AGBL1: variants seen among roughly 807,000 people sequenced by gnomAD.
AGBL1 encodes AGBL carboxypeptidase 1, also known as cytosolic carboxypeptidase 4.
Under a neutral mutation model 118.9 loss-of-function variants are expected in AGBL1, and 130 were observed. The ratio of observed to expected loss-of-function variants is 1.09; its 90% CI spans 0.95 to 1.26. The LOEUF is 1.26. Ranked by LOEUF, AGBL1 falls within the 50% of genes most tolerant of loss-of-function variation. AGBL1 has a pLI of 0.00. For missense variants in AGBL1, 1,584 were observed against 1,298.1 expected, an observed-to-expected ratio of 1.22 and a Z score of -3.38; for synonymous variants, 555 against 478.9, an observed-to-expected ratio of 1.16 and a Z score of -2.08.
chr15:86,085,140 A>G (rs922354452), intron 1 of AGBL1, among the ~76,000 whole-genome samples: 21 of 152,214 alleles, frequency 1.4e-4, no homozygotes. Flanking sequence ...GATGAATGCC[A>G]TGGTAAAGGT....
chr15:86,363,763 G>A (rs931832358), intron 17 of AGBL1, among the ~76,000 whole-genome samples: 4 of 151,904 alleles, frequency 2.6e-5, no homozygotes, highest in African/African-American at 4.8e-5. Flanking sequence ...ATGCCTGCTC[G>A]AGAGCTCTCC....
intron 22 of AGBL1, among the ~76,000 whole-genome samples, chr15:86,715,854 C>G (rs181713673): frequency 2.0e-5 from 3 of 151,842 alleles, no homozygotes; most frequent in African/African-American, 7.3e-5. Flanking sequence ...GTCAGGAGAT[C>G]GAGACCATCC....
chr15:86,250,887 G>C (rs1340272150), intron 7 of AGBL1, among the ~76,000 whole-genome samples: 1 of 152,208 alleles, frequency 6.6e-6, no homozygotes, highest in Non-Finnish European at 1.5e-5. Context: ...CTTGGATTTG[G>C]TGATGTTATT....
intron 22 of AGBL1, among the ~76,000 whole-genome samples, chr15:86,833,862 T>A (rs890858412): frequency 9.9e-5 from 15 of 152,122 alleles, no homozygotes; most frequent in African/African-American, 3.6e-4. Context: ...TCAGCCTCAC[T>A]CCTGTCAACT....
chr15:86,314,256 G>T (rs1041372145), intron 17 of AGBL1, among the ~76,000 whole-genome samples: 4 of 152,214 alleles, frequency 2.6e-5, no homozygotes, highest in Non-Finnish European at 5.9e-5. Context: ...AACAAGAGGA[G>T]TTACCACACC....
Position 86,750,413 on chromosome 15 carries a change from G to C in AGBL1, c.3158+75977G>C, listed in dbSNP as rs569899934. Among the ~76,000 whole-genome samples, 11 of 150,674 alleles carry C rather than the reference G, an allele frequency of 7.3e-5. No individual in the cohort carries two copies. The East Asian group carries it at 1.7e-3, about 24-fold the overall frequency. On this transcript the variant is annotated intron_variant, in intron 22 of 22. Coordinates refer to ENST00000614907, the MANE Select transcript of AGBL1 (RefSeq NM_001386094.1). ...CGAAAAATAGAACCTGGTAATTTCT[G>C]TATAACAATAACACCGAACTCCCTT...
chr15:86,472,644 C>T (rs547093159), intron 18 of AGBL1, among the ~76,000 whole-genome samples: 198 of 152,262 alleles, frequency 1.3e-3, no homozygotes, highest in African/African-American at 1.9e-3. Flanking sequence ...ATAGATTGGG[C>T]GCCACGGCTC....
chr15:86,932,297 T>A (rs75700126), intron 23 of AGBL1, among the ~76,000 whole-genome samples: 1,885 of 152,330 alleles, frequency 0.012, 39 homozygotes, highest in African/African-American at 0.043. Context: ...ACTGCAAGGA[T>A]AGACCTGACC....
chr15:86,935,010 T>G (rs1217255140), intron 23 of AGBL1: 1 of 152,238 alleles, frequency 6.6e-6, no homozygotes, highest in Non-Finnish European at 1.5e-5. Context: ...TAAGTTAAAA[T>G]GTAAAAACTA....
At chr15:86,886,133 TA>T (rs2079967310) in intron 22 of AGBL1, among the ~76,000 whole-genome samples, 2 of 152,216 alleles carry the variant, frequency 1.3e-5, no homozygotes, top group African/African-American at 4.8e-5. Flanking sequence ...ATCGAAACTG[TA>T]AACATCCTGT....
intron 22 of AGBL1, among the ~76,000 whole-genome samples, chr15:86,856,148 G>A (rs2079476385): frequency 6.6e-6 from 1 of 152,190 alleles, no homozygotes; most frequent in Non-Finnish European, 1.5e-5. Context: ...GTCTTTCACA[G>A]TTAGCTCCAG....
At chr15:86,779,808 C>T (rs1323911024) in intron 22 of AGBL1, among the ~76,000 whole-genome samples, 3 of 151,594 alleles carry the variant, frequency 2.0e-5, no homozygotes, top group African/African-American at 4.9e-5. Flanking sequence ...TTTTATTAAC[C>T]ATTTGAGTCT....
chr15:86,766,051 G>A (rs1295772097), intron 22 of AGBL1, among the ~76,000 whole-genome samples: 2 of 151,814 alleles, frequency 1.3e-5, no homozygotes, highest in African/African-American at 2.4e-5. Flanking sequence ...TTTACTATGT[G>A]CCCTGCATGT....
chr15:86,133,441 T>C (rs1444306), intron 1 of AGBL1, among the ~76,000 whole-genome samples: 4,247 of 152,312 alleles, frequency 0.028, 184 homozygotes, highest in African/African-American at 0.098. Context: ...CCGGCACCTA[T>C]TCCTGGTTGC....
At chr15:86,239,215 C>T (rs1567147770) in intron 6 of AGBL1, among the ~76,000 whole-genome samples, 1 of 152,146 alleles carries the variant, frequency 6.6e-6, no homozygotes, top group Non-Finnish European at 1.5e-5. Context: ...TTCGGAAAAG[C>T]ATCTTTAATT....
intron 22 of AGBL1, among the ~76,000 whole-genome samples, chr15:86,721,731 T>C (rs1215893000): frequency 6.6e-6 from 1 of 152,212 alleles, no homozygotes; most frequent in Non-Finnish European, 1.5e-5. Flanking sequence ...TGTTTGCAGA[T>C]GACATGATTG....
At chr15:86,443,597 C>T (rs1169472711) in intron 18 of AGBL1, among the ~76,000 whole-genome samples, 3 of 152,132 alleles carry the variant, frequency 2.0e-5, no homozygotes, top group Admixed American at 1.3e-4. Context: ...TCTCACCATT[C>T]CCCCTTTGCC....
chr15:86,257,717 T>A (rs2078919153), intron 8 of AGBL1, among the ~76,000 whole-genome samples: 1 of 152,236 alleles, frequency 6.6e-6, no homozygotes, highest in Non-Finnish European at 1.5e-5. Flanking sequence ...TCATTTTTTC[T>A]GCACTTATTT....
chr15:86,172,407 G>C (rs77226600), intron 5 of AGBL1, among the ~76,000 whole-genome samples: 5 of 151,980 alleles, frequency 3.3e-5, no homozygotes, highest in African/African-American at 1.2e-4. Flanking sequence ...AATAGATATC[G>C]TTGTTACCTA....
Sources: gnomAD v4.1 joint callset for allele counts (sites outside exome capture counted in the v4.1 genomes callset) on GRCh38, gnomAD v4.1.1 for gene constraint, MANE v1.5 for transcripts, NCBI Gene and HGNC (gene_info 2026-07-23, HGNC 2026-07-21) for gene names.